The following DNAI3 variants were observed in gnomAD, a reference collection of about 807,000 sequenced individuals.
DNAI3 encodes WD repeat domain 63.
DNAI3 carries 83 observed loss-of-function variants against 115.5 expected under a neutral mutation model. The observed-to-expected ratio is 0.72, with a 90% CI of 0.60 to 0.86. The LOEUF (loss-of-function observed/expected upper bound fraction) is 0.86, where lower values mean the gene tolerates loss of function less well. Ranked by LOEUF, DNAI3 falls within the 40% of genes least tolerant of loss-of-function variation. The pLI is 0.00. For missense variants in DNAI3, 1,004 were observed against 1,075.8 expected (o/e 0.93, Z 0.93); for synonymous variants, 320 against 347.0 (o/e 0.92, Z 0.86).
Position 85,125,141 on chromosome 1 carries a change from G to C in DNAI3, c.2112+890G>C, listed in dbSNP as rs575968844. Among the ~76,000 whole-genome samples the C allele has an allele frequency of 9.2e-5, 14 of 152,170 alleles. No homozygotes were observed. In the South Asian group the frequency reaches 2.7e-3, roughly 29 times the overall value. On this transcript the variant is annotated intron_variant, in intron 19 of 22. Coordinates refer to ENST00000294664, the MANE Select transcript of DNAI3 (RefSeq NM_145172.5). ...TAAAATCCAGTGAAGCAAGGGTGTG[G>C]GGGAATCAGTACTTTTGGTGGGATT...
In DNAI3 at chr1:85,124,101, G is replaced by A; in HGVS notation, c.1982-20G>A. The A allele has an allele frequency of 1.2e-6, 2 of 1,613,688 alleles. No homozygotes were observed. Among genetic ancestry groups the A allele is most frequent in the Non-Finnish European group, 8.5e-7 (1 of 1,179,956 alleles). ...AAACAGTGTTATTAAAGATGAGATGGTCTTCTTTCACTCCAATAGCAAAGA... is the reference window on the plus strand; with the variant it reads ...AAACAGTGTTATTAAAGATGAGATGATCTTCTTTCACTCCAATAGCAAAGA... On this transcript the variant is annotated intron_variant, in intron 18 of 22. Transcript: ENST00000294664.
At chr1:85,073,970 T>A (rs1353475561) in intron 3 of DNAI3, among the ~76,000 whole-genome samples, 1 of 152,116 alleles carries the variant, frequency 6.6e-6, no homozygotes, top group Non-Finnish European at 1.5e-5. Context: ...AGTGGCTCTG[T>A]TATCAGCACC....
At position 85,084,575 on chromosome 1, in the gene DNAI3, A is replaced by G. The variant is rs746046511; in HGVS notation, c.420A>G (p.Glu140=). The change falls in exon 6 of 23, where the codon GAA becomes GAG. Residue 140 remains glutamate, a synonymous_variant. Coordinates refer to ENST00000294664, the MANE Select transcript of DNAI3 (RefSeq NM_145172.5). ...NPPEVPEEQE[E]YKEHIPEDVY... The stretch of plus-strand genomic sequence containing the variant: ...CAGAAGTACCAGAAGAACAAGAAGA[A>G]TATAAAGAACATATTCCTGAAGATG... The G allele has an allele frequency of 6.6e-7, 1 of 1,517,914 alleles. No homozygotes were observed. Among genetic ancestry groups the G allele is most frequent in the East Asian group, 2.5e-5 (1 of 40,264 alleles). 94.0% of individuals were successfully genotyped at this position (1,517,914 alleles called of 1,614,324 possible). A position where few individuals can be genotyped will look rare whatever the true frequency, so the allele number is the denominator to read the frequency against.
chr1:85,113,826 A>G (rs1655727615), intron 16 of DNAI3, among the ~76,000 whole-genome samples: 1 of 152,110 alleles, frequency 6.6e-6, no homozygotes, highest in Non-Finnish European at 1.5e-5. Flanking sequence ...TAAACACAGT[A>G]TATCTGTTCG....
At chr1:85,066,775 G>T (rs1418378745) in intron 1 of DNAI3, among the ~76,000 whole-genome samples, 3 of 151,986 alleles carry the variant, frequency 2.0e-5, no homozygotes, top group African/African-American at 7.2e-5. Context: ...ATAGAAAAAA[G>T]TTTGTTAAAT....
intron 13 of DNAI3, among the ~76,000 whole-genome samples, chr1:85,101,660 G>A (rs1225330876): frequency 6.2e-5 from 9 of 144,598 alleles, no homozygotes; most frequent in Admixed American, 2.1e-4. Context: ...CCGGAGAGGC[G>A]GAGCTTGCAG....
intron 7 of DNAI3, among the ~76,000 whole-genome samples, chr1:85,088,837 GT>G (rs201375748): frequency 6.8e-5 from 10 of 147,988 alleles, no homozygotes; most frequent in East Asian, 5.9e-4. Flanking sequence ...ATATCATTTT[GT>G]TTTTTTTTTA....
chr1:85,072,128 G>A (rs1338610597), intron 2 of DNAI3, 123 bp downstream of exon 2: 9 of 930,376 alleles, frequency 9.7e-6, no homozygotes, highest in African/African-American at 5.1e-5. Context: ...AAAGTCAAAT[G>A]TATGAGGAAT....
intron 7 of DNAI3, among the ~76,000 whole-genome samples, chr1:85,086,592 C>T (rs1227894609): frequency 6.6e-6 from 1 of 152,084 alleles, no homozygotes; most frequent in African/African-American, 2.4e-5. Context: ...CCTGCGGTTC[C>T]ACCTCCTCCT....
intron 16 of DNAI3, among the ~76,000 whole-genome samples, chr1:85,112,238 A>T (rs1193569982): frequency 6.6e-6 from 1 of 152,148 alleles, no homozygotes; most frequent in African/African-American, 2.4e-5. Context: ...TTTAATCAGC[A>T]TGATTATTTT....
rs368883600 is a variant in DNAI3 at position 85,076,426 on chromosome 1, T to C, written c.103+3334T>C. Among the ~76,000 whole-genome samples the C allele has an allele frequency of 1.1e-4, 17 of 152,214 alleles. No homozygotes were observed. In the East Asian group the frequency reaches 2.7e-3, roughly 24 times the overall value. On this transcript the variant is annotated intron_variant, in intron 3 of 22. Transcript: ENST00000294664. ...TTATATCCACAAATCCCTTTTCTTA[T>C]GTAAGGTAACAATACAGAAGTGCAT...
chr1:85,068,870 G>A (rs1654178401), intron 1 of DNAI3, among the ~76,000 whole-genome samples: 1 of 152,136 alleles, frequency 6.6e-6, no homozygotes, highest in Non-Finnish European at 1.5e-5. Flanking sequence ...ACATGTCAGT[G>A]CCAAGGAGAA....
chr1:85,066,436 C>A (rs759867892), intron 1 of DNAI3, among the ~76,000 whole-genome samples: 63 of 143,248 alleles, frequency 4.4e-4, no homozygotes, highest in Admixed American at 2.1e-3. Context: ...ACACCATTCT[C>A]CTGTCTCAGC....
At chr1:85,076,317 A>C (rs1404636029) in intron 3 of DNAI3, among the ~76,000 whole-genome samples, 6 of 152,194 alleles carry the variant, frequency 3.9e-5, no homozygotes, top group African/African-American at 1.4e-4. Flanking sequence ...ATCTGGGATA[A>C]ATGTTTTAAA....
At position 85,109,717 on chromosome 1, in the gene DNAI3, G is replaced by A. The variant is rs1047900121; in HGVS notation, c.1699-331G>A. On this transcript the variant is annotated intron_variant, in intron 15 of 22. Transcript: ENST00000294664. ...TTAACTGAATGATTTAGGGAACAGG[G>A]TAACAAGTAATTATTTTATATTAAA... is the stretch of plus-strand genomic sequence containing the variant. Among the ~76,000 whole-genome samples the A allele has an allele frequency of 2.6e-5, 4 of 152,126 alleles. No homozygotes were observed. In the East Asian group the frequency reaches 7.7e-4, roughly 29 times the overall value.
At chr1:85,082,174 C>T in intron 4 of DNAI3, 126 bp from the exon 5 acceptor site, 1 of 727,980 alleles carries the variant, frequency 1.4e-6, no homozygotes, top group South Asian at 2.0e-5. Flanking sequence ...TGTTATCAGC[C>T]ATAGATTAGC....
At chr1:85,105,673 TA>T (rs1489508030) in intron 14 of DNAI3, among the ~76,000 whole-genome samples, 9 of 152,218 alleles carry the variant, frequency 5.9e-5, no homozygotes, top group Non-Finnish European at 1.3e-4. Context: ...AGCTAGTAAG[TA>T]ATGACATTCC....
At position 85,108,068 on chromosome 1, in the gene DNAI3, C is replaced by T. The variant is rs752531702; in HGVS notation, c.1589C>T (p.Pro530Leu). ...TTTTGGGATATTAGACCACAGAAAC[C>T]TTTAACCCCCCAAACAACAGAGAAA... ...ICFWDIRPQK[P>L]LTPQTTEKKK... The change falls in exon 15 of 23, where the codon CCT becomes CTT. Residue 530 changes from proline (P) to leucine (L), a missense_variant. Coordinates refer to ENST00000294664, the MANE Select transcript of DNAI3 (RefSeq NM_145172.5). 1.2e-6 allele frequency: 2 copies of T among 1,607,050 alleles called. No homozygotes were observed. Among genetic ancestry groups the T allele is most frequent in the Non-Finnish European group, 1.7e-6 (2 of 1,177,236 alleles).
intron 16 of DNAI3, 41 bp from the exon 17 acceptor site, chr1:85,117,688 C>T (rs764499267): frequency 1.3e-6 from 2 of 1,598,856 alleles, no homozygotes; most frequent in Non-Finnish European, 1.7e-6. Context: ...AAGATGTTTC[C>T]CTGTAAATAT....
Sources: gnomAD v4.1 joint callset for allele counts (sites outside exome capture counted in the v4.1 genomes callset) on GRCh38, gnomAD v4.1.1 for gene constraint, MANE v1.5 for transcripts, NCBI Gene and HGNC (gene_info 2026-07-23, HGNC 2026-07-21) for gene names.